The following EPHA6 variants were observed in gnomAD, a reference collection of about 807,000 sequenced individuals.
EPHA6 encodes the protein EPH receptor A6.
EPHA6 carries 50 observed loss-of-function variants against 112.0 expected under a neutral mutation model. That is an observed-to-expected ratio of 0.45 (90% CI 0.36 to 0.56). The LOEUF (loss-of-function observed/expected upper bound fraction) is 0.56. Among genes scored for constraint, EPHA6 ranks in the 20% least tolerant of loss-of-function variants. The pLI is 0.00. For synonymous variants in EPHA6, 529 were observed against 490.7 expected (o/e 1.08, Z -1.03); for missense variants, 1,280 against 1,417.4 (o/e 0.90, Z 1.56).
intron 5 of EPHA6, among the ~76,000 whole-genome samples, chr3:97,245,258 C>T (rs1166309539): frequency 6.6e-6 from 1 of 151,978 alleles, no homozygotes; most frequent in African/African-American, 2.4e-5. Context: ...CGTTCTGAGG[C>T]CTGTGTCCTT....
At chr3:97,072,781 A>G (rs1224384248) in intron 3 of EPHA6, among the ~76,000 whole-genome samples, 3 of 152,160 alleles carry the variant, frequency 2.0e-5, no homozygotes, top group Non-Finnish European at 1.5e-5. Context: ...AAAGAATTTC[A>G]GGAAATATAA....
intron 2 of EPHA6, among the ~76,000 whole-genome samples, chr3:96,935,025 C>G (rs1187013886): frequency 6.6e-6 from 1 of 151,694 alleles, no homozygotes; most frequent in East Asian, 1.9e-4. Context: ...TATTGGTTCT[C>G]TAATGTCTAC....
chr3:97,378,247 G>A (rs574063288), intron 5 of EPHA6, among the ~76,000 whole-genome samples: 1 of 152,312 alleles, frequency 6.6e-6, no homozygotes, highest in Admixed American at 6.5e-5. Context: ...CCAAGCCTTG[G>A]CACCTTCCAC....
Position 97,179,653 on chromosome 3 carries a change from G to C in EPHA6, c.1115-46611G>C, listed in dbSNP as rs538107340. 2.6e-5 allele frequency among the ~76,000 whole-genome samples: 4 copies of C among 151,736 alleles called. 1 individual carries two copies. The highest frequency in any genetic ancestry group is 6.8e-3 in the Middle Eastern group (2 of 294). ...CTTGATGATCTTGGACAAGGTCCAG[G>C]AGAATTCTCTGGATTGCCAGGCAGA... On this transcript the variant is annotated intron_variant, in intron 3 of 17. Transcript: ENST00000389672.
chr3:96,896,453 G>A (rs1344052596), intron 2 of EPHA6, among the ~76,000 whole-genome samples: 1 of 152,088 alleles, frequency 6.6e-6, no homozygotes, highest in Non-Finnish European at 1.5e-5. Context: ...GCAATGAAAT[G>A]GTGTAAAAAG....
At position 97,447,550 on chromosome 3, in the gene EPHA6, A is replaced by G. The variant is rs1183158740; in HGVS notation, c.1732-1018A>G. ...TTTTTTCCAGATACCCTATTAAAAT[A>G]TCATTGTAAAGTTATTGAATAATAA... On this transcript the variant is annotated intron_variant, in intron 6 of 17. Transcript: ENST00000389672. 2.0e-5 allele frequency among the ~76,000 whole-genome samples: 3 copies of G among 152,274 alleles called. No individual in the cohort carries two copies. In the East Asian group the frequency reaches 5.8e-4, roughly 29 times the overall value.
At chr3:97,022,529 A>C (rs190224757) in intron 3 of EPHA6, among the ~76,000 whole-genome samples, 2 of 152,310 alleles carry the variant, frequency 1.3e-5, no homozygotes, top group Admixed American at 1.3e-4. Flanking sequence ...GGTGGGCTTC[A>C]AGACATCTCT....
chr3:97,160,380 G>T (rs6775105), intron 3 of EPHA6, among the ~76,000 whole-genome samples: 1 of 152,060 alleles, frequency 6.6e-6, no homozygotes, highest in Non-Finnish European at 1.5e-5. Flanking sequence ...GGGTTTAAGC[G>T]ATTCTCCTGC....
At chr3:96,857,502 G>A (rs2035764935) in intron 1 of EPHA6, among the ~76,000 whole-genome samples, 1 of 151,156 alleles carries the variant, frequency 6.6e-6, no homozygotes, top group African/African-American at 2.4e-5. Flanking sequence ...TAGTTCATGT[G>A]TCTCTAAATT....
chr3:97,474,512 T>C (rs2091314977), intron 7 of EPHA6, among the ~76,000 whole-genome samples: 1 of 151,974 alleles, frequency 6.6e-6, no homozygotes, highest in Non-Finnish European at 1.5e-5. Flanking sequence ...GGGCAATTTC[T>C]TTAATTTTTC....
intron 3 of EPHA6, among the ~76,000 whole-genome samples, chr3:97,001,639 ATGAG>A (rs1284856553): frequency 2.6e-5 from 4 of 152,008 alleles, no homozygotes; most frequent in Non-Finnish European, 4.4e-5. Flanking sequence ...TTTTTTTAGA[ATGAG>A]TATCAATAAA....
chr3:97,262,848 TAC>T (rs2079547508), intron 5 of EPHA6, among the ~76,000 whole-genome samples: 1 of 152,186 alleles, frequency 6.6e-6, no homozygotes, highest in Non-Finnish European at 1.5e-5. Context: ...TCCCTGTGCC[TAC>T]AATAAAACTT....
At chr3:97,747,098 GTA>G (rs1649375838) in intron 16 of EPHA6, among the ~76,000 whole-genome samples, 1 of 151,626 alleles carries the variant, frequency 6.6e-6, no homozygotes, top group African/African-American at 2.4e-5. Context: ...AGAGAAAAAA[GTA>G]TAAGAAGAAG....
At chr3:97,116,976 C>T (rs1039541422) in intron 3 of EPHA6, among the ~76,000 whole-genome samples, 3 of 151,604 alleles carry the variant, frequency 2.0e-5, no homozygotes, top group African/African-American at 7.2e-5. Context: ...ACCTTTTCTC[C>T]ACATCCTTGT....
intron 2 of EPHA6, among the ~76,000 whole-genome samples, chr3:96,884,291 T>C (rs2037496077): frequency 6.6e-6 from 1 of 152,172 alleles, no homozygotes; most frequent in African/African-American, 2.4e-5. Context: ...TTGCATTGAT[T>C]TGTAGATTGC....
intron 5 of EPHA6, among the ~76,000 whole-genome samples, chr3:97,360,735 T>C (rs1040914655): frequency 6.6e-6 from 1 of 152,218 alleles, no homozygotes; most frequent in African/African-American, 2.4e-5. Flanking sequence ...TAGAAGATAA[T>C]GTATGTAACT....
intron 3 of EPHA6, among the ~76,000 whole-genome samples, chr3:97,123,749 CA>C (rs2048107179): frequency 6.6e-6 from 1 of 152,074 alleles, no homozygotes; most frequent in Non-Finnish European, 1.5e-5. Flanking sequence ...GCTAAATTTT[CA>C]GGAAGTTTTG....
At chr3:97,156,498 G>A (rs2076292279) in intron 3 of EPHA6, among the ~76,000 whole-genome samples, 1 of 151,932 alleles carries the variant, frequency 6.6e-6, no homozygotes, top group Non-Finnish European at 1.5e-5. Flanking sequence ...GATTAGATTG[G>A]TCAGTAGATT....
At chr3:96,937,912 A>G (rs534893680) in intron 2 of EPHA6, among the ~76,000 whole-genome samples, 19 of 152,028 alleles carry the variant, frequency 1.2e-4, no homozygotes, top group African/African-American at 1.5e-4. Flanking sequence ...AAGATCAGAT[A>G]GTTGTAGATA....
Sources: allele counts gnomAD v4.1 joint callset (sites outside exome capture counted in the v4.1 genomes callset), GRCh38; gene constraint gnomAD v4.1.1; transcripts MANE v1.5; gene names NCBI Gene and HGNC (gene_info 2026-07-23, HGNC 2026-07-21).